Variants in LRP1B observed in about 807,000 individuals in gnomAD.
The protein encoded by LRP1B is LDL receptor related protein 1B.
LRP1B carries 217 observed loss-of-function variants against 556.6 expected under a neutral mutation model. The ratio of observed to expected loss-of-function variants is 0.39; its 90% CI spans 0.35 to 0.44. The LOEUF (loss-of-function observed/expected upper bound fraction) is 0.44. LRP1B is among the 20% of genes least tolerant of loss of function. The probability of loss-of-function intolerance (pLI) is 1.00; values close to 1 mark genes in which losing one functional copy is unlikely to be tolerated. For synonymous variants in LRP1B, 2,047 were observed against 1,865.8 expected (o/e 1.10, Z -2.50); for missense variants, 5,053 against 5,620.8 (o/e 0.90, Z 3.23).
chr2:140,357,844 C>T, intron 74 of LRP1B, 135 bp downstream of exon 74: 1 of 1,021,756 alleles, frequency 9.8e-7, no homozygotes, highest in Non-Finnish European at 1.4e-6. Context: ...GTTGCTTTGG[C>T]AAAGGTTTTT....
At chr2:141,683,613 G>A (rs1691179795) in intron 2 of LRP1B, among the ~76,000 whole-genome samples, 1 of 152,048 alleles carries the variant, frequency 6.6e-6, no homozygotes, top group African/African-American at 2.4e-5. Context: ...AGGTGGGCCT[G>A]GCTTCCTCTT....
intron 21 of LRP1B, among the ~76,000 whole-genome samples, chr2:140,915,895 G>A (rs1047375145): frequency 6.6e-6 from 1 of 151,618 alleles, no homozygotes; most frequent in Non-Finnish European, 1.5e-5. Flanking sequence ...GGGTGAGGGG[G>A]CAGGCGCCTG....
chr2:141,024,645 T>G (rs1330895265), intron 11 of LRP1B, among the ~76,000 whole-genome samples: 3 of 152,022 alleles, frequency 2.0e-5, no homozygotes, highest in Non-Finnish European at 4.4e-5. Context: ...ACTGAGATTT[T>G]TATCATACTT....
intron 2 of LRP1B, among the ~76,000 whole-genome samples, chr2:141,628,690 C>T (rs908145515): frequency 6.6e-6 from 1 of 152,064 alleles, no homozygotes; most frequent in Admixed American, 6.6e-5. Flanking sequence ...ACTCTGTCAC[C>T]CAGGCTGGAG....
At chr2:141,902,412 T>C (rs1469941117) in intron 1 of LRP1B, among the ~76,000 whole-genome samples, 1 of 151,964 alleles carries the variant, frequency 6.6e-6, no homozygotes, top group African/African-American at 2.4e-5. Flanking sequence ...CAGAGATTAG[T>C]TAAAATCCAT....
At chr2:141,216,780 G>A (rs915676257) in intron 6 of LRP1B, among the ~76,000 whole-genome samples, 1 of 152,146 alleles carries the variant, frequency 6.6e-6, no homozygotes, top group Non-Finnish European at 1.5e-5. Context: ...AGCTTACAGG[G>A]ACACGTAGCC....
At chr2:140,427,624 A>T (rs898598974) in intron 66 of LRP1B, among the ~76,000 whole-genome samples, 9 of 152,164 alleles carry the variant, frequency 5.9e-5, no homozygotes, top group Non-Finnish European at 1.2e-4. Context: ...AAACGGTCTG[A>T]GGTGCCTGAT....
At chr2:141,182,454 G>T (rs1450920908) in intron 7 of LRP1B, among the ~76,000 whole-genome samples, 5 of 151,918 alleles carry the variant, frequency 3.3e-5, no homozygotes, top group Non-Finnish European at 7.4e-5. Context: ...GCTAATCTGA[G>T]TACTGCTTCT....
At chr2:141,000,338 T>G (rs1697380319) in intron 15 of LRP1B, among the ~76,000 whole-genome samples, 1 of 152,090 alleles carries the variant, frequency 6.6e-6, no homozygotes, top group Admixed American at 6.6e-5. Flanking sequence ...ACAAGCTTGA[T>G]CAAAAGGTAC....
intron 3 of LRP1B, among the ~76,000 whole-genome samples, chr2:141,260,353 G>C (rs1181365733): frequency 6.6e-6 from 1 of 152,116 alleles, no homozygotes; most frequent in Non-Finnish European, 1.5e-5. Flanking sequence ...GCTTTTAGGG[G>C]CTGTTTTGCT....
chr2:141,372,685 C>G (rs1457913484), intron 3 of LRP1B, among the ~76,000 whole-genome samples: 2 of 152,004 alleles, frequency 1.3e-5, no homozygotes, highest in African/African-American at 4.8e-5. Flanking sequence ...TCATAGCAGT[C>G]TCTCATGATA....
rs181174708 is a variant in LRP1B at position 140,320,539 on chromosome 2, C to G, written c.12640+1424G>C. Among the ~76,000 whole-genome samples, 35 of 152,142 alleles carry G rather than the reference C, an allele frequency of 2.3e-4. 1 individual carries two copies. The highest frequency in any genetic ancestry group is 3.4e-3 in the Middle Eastern group (1 of 294). ...ACCCTGCCATGAATAATGTCTGTAC[C>G]TCATTGGAAAATGTTTGCTGTGATC... On this transcript the variant is annotated intron_variant, in intron 82 of 90. Coordinates refer to ENST00000389484, the MANE Select transcript of LRP1B (RefSeq NM_018557.3).
At position 141,239,339 on chromosome 2, in the gene LRP1B, G is replaced by A. The variant is rs572389424; in HGVS notation, c.592+7887C>T. Among the ~76,000 whole-genome samples the A allele has an allele frequency of 2.0e-5, 3 of 152,160 alleles. No homozygotes were observed. The East Asian group carries it at 5.8e-4, about 29-fold the overall frequency. On this transcript the variant is annotated intron_variant, in intron 5 of 90. Transcript: ENST00000389484. ...GAATAATGTAAGATTCATTGAAGGC[G>A]ATTAAAGAGCAGAGCAAAGGAAAGT...
chr2:140,336,104 A>C lies in LRP1B; in HGVS notation c.11893-266T>G, dbSNP rs1387023986. On this transcript the variant is annotated intron_variant, in intron 77 of 90. Coordinates refer to ENST00000389484, the MANE Select transcript of LRP1B (RefSeq NM_018557.3). ...GCTGAAATATTTCCAGAACCATAGG[A>C]GGTTCACCCGTGACTTCCTGCAGTC... Among the ~76,000 whole-genome samples the C allele has an allele frequency of 2.6e-5, 4 of 151,954 alleles. 1 individual carries two copies. Among genetic ancestry groups the C allele is most frequent in the African/African-American group, 9.7e-5 (4 of 41,420 alleles).
At chr2:140,401,083 G>T (rs75389395) in intron 66 of LRP1B, among the ~76,000 whole-genome samples, 3,109 of 152,198 alleles carry the variant, frequency 0.02, 38 homozygotes, top group African/African-American at 0.028. Context: ...AAGAAGCTCC[G>T]AACTGAATTT....
intron 82 of LRP1B, among the ~76,000 whole-genome samples, chr2:140,319,359 C>T (rs1679963030): frequency 6.6e-6 from 1 of 151,906 alleles, no homozygotes; most frequent in Non-Finnish European, 1.5e-5. Context: ...CTAAATGCCT[C>T]TCTCACCCAA....
intron 5 of LRP1B, among the ~76,000 whole-genome samples, chr2:141,242,368 TTTTG>T (rs1683909272): frequency 6.6e-6 from 1 of 152,052 alleles, no homozygotes. Flanking sequence ...GGAAGTTACA[TTTTG>T]TTTATTTTTT....
At chr2:141,032,342 C>T (rs747204902) in intron 11 of LRP1B, among the ~76,000 whole-genome samples, 32 of 152,050 alleles carry the variant, frequency 2.1e-4, no homozygotes, top group Non-Finnish European at 3.8e-4. Flanking sequence ...CATGTGTATA[C>T]GTCTATAGAA....
At chr2:140,939,915 T>C (rs958129680) in intron 20 of LRP1B, among the ~76,000 whole-genome samples, 32 of 147,928 alleles carry the variant, frequency 2.2e-4, no homozygotes, top group Non-Finnish European at 4.2e-4. Flanking sequence ...AGACAGTGTC[T>C]CAATCTGTCA....
Sources: gnomAD v4.1 joint callset for allele counts (sites outside exome capture counted in the v4.1 genomes callset) on GRCh38, gnomAD v4.1.1 for gene constraint, MANE v1.5 for transcripts, NCBI Gene and HGNC (gene_info 2026-07-23, HGNC 2026-07-21) for gene names.